Variants in TCF4 observed in about 807,000 individuals in gnomAD.
TCF4 encodes the protein SL3-3 enhancer factor 2.
A neutral mutation model predicts 82.1 loss-of-function variants in TCF4; 3 were observed. That is an observed-to-expected ratio of 0.04 (90% CI 0.02 to 0.09). The LOEUF is 0.09. Ranked by LOEUF, TCF4 falls within the 10% of genes least tolerant of loss-of-function variation. TCF4 has a pLI of 1.00. For missense variants in TCF4, 518 were observed against 852.7 expected, an observed-to-expected ratio of 0.61 and a Z score of 4.89; for synonymous variants, 276 against 309.6, an observed-to-expected ratio of 0.89 and a Z score of 1.14.
intron 3 of TCF4, chr18:55,492,356 T>C (rs991768849): frequency 6.6e-6 from 1 of 152,202 alleles, no homozygotes. Context: ...TGCTACACAA[T>C]CATTTATATG....
At chr18:55,510,725 C>T in intron 3 of TCF4, 1 of 1,405,456 alleles carries the variant, frequency 7.1e-7, no homozygotes, top group Non-Finnish European at 9.3e-7. Flanking sequence ...AAGGGGCCTT[C>T]CTTGTTACTC....
intron 8 of TCF4, among the ~76,000 whole-genome samples, chr18:55,294,815 T>C (rs188277555): frequency 6.6e-6 from 1 of 152,352 alleles, no homozygotes; most frequent in East Asian, 1.9e-4. Context: ...GGACAGGGTC[T>C]CACTATGTTG....
At chr18:55,359,489 A>G (rs2084514142) in intron 6 of TCF4, among the ~76,000 whole-genome samples, 1 of 152,206 alleles carries the variant, frequency 6.6e-6, no homozygotes, top group South Asian at 2.1e-4. Context: ...TATTCCTGGC[A>G]TCCAACAGGG....
intron 3 of TCF4, among the ~76,000 whole-genome samples, chr18:55,474,005 GT>G (rs2096241024): frequency 6.6e-6 from 1 of 152,158 alleles, no homozygotes; most frequent in African/African-American, 2.4e-5. Flanking sequence ...AGTTCCTACT[GT>G]TTTAAACTAC....
intron 5 of TCF4, among the ~76,000 whole-genome samples, chr18:55,436,971 G>T (rs1315921828): frequency 6.6e-6 from 1 of 152,210 alleles, no homozygotes; most frequent in Admixed American, 6.5e-5. Flanking sequence ...ATTAGAAAGT[G>T]TAACAAAATC....
chr18:55,264,996 G>A (rs953686712), intron 11 of TCF4: 1 of 152,186 alleles, frequency 6.6e-6, no homozygotes, highest in African/African-American at 2.4e-5. Context: ...AGATGAAGCA[G>A]AAAGAAAGGT....
At chr18:55,470,149 T>C (rs574054377) in intron 3 of TCF4, among the ~76,000 whole-genome samples, 2 of 152,326 alleles carry the variant, frequency 1.3e-5, no homozygotes, top group East Asian at 1.9e-4. Context: ...TAAGGAGTTA[T>C]TGTTAAAGTA....
At chr18:55,402,461 G>C (rs1259538504) in intron 6 of TCF4, among the ~76,000 whole-genome samples, 1 of 151,460 alleles carries the variant, frequency 6.6e-6, no homozygotes, top group Non-Finnish European at 1.5e-5. Flanking sequence ...GGGTGAGAGA[G>C]TTCAAGAGAG....
intron 8 of TCF4, chr18:55,321,701 T>G (rs1173778389): frequency 6.5e-7 from 1 of 1,536,048 alleles, no homozygotes; most frequent in Admixed American, 2.0e-5. Context: ...CATCAAAGAG[T>G]TGCCGCCCAT....
chr18:55,427,662 C>T (rs759766470), intron 5 of TCF4, among the ~76,000 whole-genome samples: 6 of 152,176 alleles, frequency 3.9e-5, no homozygotes, highest in Non-Finnish European at 7.4e-5. Context: ...AGACACTGAA[C>T]GCCCTCAACA....
chr18:55,346,298 G>A (rs2144623806), intron 8 of TCF4, among the ~76,000 whole-genome samples: 1 of 152,186 alleles, frequency 6.6e-6, no homozygotes, highest in Admixed American at 6.5e-5. Flanking sequence ...CCTACCTACT[G>A]ATTAACTAAT....
At chr18:55,485,653 A>G (rs956814978) in intron 3 of TCF4, among the ~76,000 whole-genome samples, 1 of 152,236 alleles carries the variant, frequency 6.6e-6, no homozygotes, top group Non-Finnish European at 1.5e-5. Flanking sequence ...TGGCTACAAA[A>G]GGTAACTAAA....
chr18:55,565,280 C>A (rs1315093446), intron 3 of TCF4, among the ~76,000 whole-genome samples: 1 of 151,034 alleles, frequency 6.6e-6, no homozygotes, highest in Admixed American at 6.6e-5. Context: ...GCCTCTCACA[C>A]TACAAAACAA....
chr18:55,418,004 TGTG>T (rs1219038723), intron 5 of TCF4, among the ~76,000 whole-genome samples: 8 of 17,936 alleles, frequency 4.5e-4, no homozygotes, highest in Non-Finnish European at 7.3e-4. Flanking sequence ...CTTGAGCAAA[TGTG>T]TGTGTGTGTG....
intron 11 of TCF4, chr18:55,266,991 A>T (rs1181334752): frequency 1.3e-5 from 2 of 152,168 alleles, no homozygotes; most frequent in Non-Finnish European, 2.9e-5. Flanking sequence ...CACTGAGACG[A>T]AGGGCAGCAG....
At chr18:55,300,125 C>CAT (rs2067740177) in intron 8 of TCF4, among the ~76,000 whole-genome samples, 1 of 151,270 alleles carries the variant, frequency 6.6e-6, no homozygotes, top group Non-Finnish European at 1.5e-5. Flanking sequence ...CACACACACA[C>CAT]CCCACATTAA....
chr18:55,475,513 C>T (rs1024452635), intron 3 of TCF4, among the ~76,000 whole-genome samples: 2 of 152,084 alleles, frequency 1.3e-5, no homozygotes, highest in Admixed American at 6.5e-5. Flanking sequence ...TAATCAGTAA[C>T]CTATGGAAAG....
intron 10 of TCF4, among the ~76,000 whole-genome samples, chr18:55,272,322 A>AT (rs2060550586): frequency 6.6e-6 from 1 of 152,122 alleles, no homozygotes. Context: ...TCATTCAGAG[A>AT]TGTAATAAAT....
chr18:55,240,789 A>G (rs768531647), intron 15 of TCF4, among the ~76,000 whole-genome samples: 4 of 152,202 alleles, frequency 2.6e-5, no homozygotes, highest in South Asian at 2.1e-4. Flanking sequence ...TCTTTAGTAC[A>G]TGTGATTAAA....
Sources: allele counts gnomAD v4.1 joint callset (sites outside exome capture counted in the v4.1 genomes callset), GRCh38; gene constraint gnomAD v4.1.1; transcripts MANE v1.5; gene names NCBI Gene and HGNC (gene_info 2026-07-23, HGNC 2026-07-21).